The following PPARD variants were observed in gnomAD, a reference collection of about 807,000 sequenced individuals.
PPARD encodes peroxisome proliferator activated receptor delta.
PPARD carries 6 observed loss-of-function variants against 39.5 expected under a neutral mutation model. That is an observed-to-expected ratio of 0.15 (90% CI 0.08 to 0.30). The LOEUF is 0.30. Among genes scored for constraint, PPARD ranks in the 10% least tolerant of loss-of-function variants. PPARD has a pLI of 1.00. For missense variants in PPARD, 397 were observed against 596.8 expected (o/e 0.67, Z 3.49); for synonymous variants, 210 against 231.3 (o/e 0.91, Z 0.83).
intron 2 of PPARD, among the ~76,000 whole-genome samples, chr6:35,362,014 C>T (rs1269890377): frequency 6.6e-6 from 1 of 151,932 alleles, no homozygotes; most frequent in African/African-American, 2.4e-5. Context: ...AATGCTCATT[C>T]GTTATAGATG....
At chr6:35,419,006 G>A (rs889511429) in intron 3 of PPARD, among the ~76,000 whole-genome samples, 1 of 152,166 alleles carries the variant, frequency 6.6e-6, no homozygotes, top group Non-Finnish European at 1.5e-5. Context: ...TACTCCCATG[G>A]TGGGGAAATC....
chr6:35,383,581 T>C (rs1763288457), intron 2 of PPARD, among the ~76,000 whole-genome samples: 1 of 132,022 alleles, frequency 7.6e-6, no homozygotes. Flanking sequence ...ATCTAGGAGG[T>C]GAGGAGCGCC....
intron 1 of PPARD, among the ~76,000 whole-genome samples, chr6:35,345,952 C>G (rs1404650925): frequency 1.3e-5 from 2 of 149,582 alleles, no homozygotes; most frequent in Non-Finnish European, 3.0e-5. Flanking sequence ...TCTTGGCTCA[C>G]TGCAAGCTCC....
At chr6:35,362,037 A>G (rs1018913657) in intron 2 of PPARD, among the ~76,000 whole-genome samples, 1 of 152,244 alleles carries the variant, frequency 6.6e-6, no homozygotes, top group African/African-American at 2.4e-5. Context: ...TAGAAAATAC[A>G]GATAAGCACT....
At chr6:35,420,416 C>A in intron 4 of PPARD, 135 bp downstream of exon 4, 1 of 1,243,230 alleles carries the variant, frequency 8.0e-7, no homozygotes, top group Non-Finnish European at 1.1e-6. Context: ...AGGAGGCAGC[C>A]AGGCCCTTGT....
chr6:35,421,909 C>T lies in PPARD; in HGVS notation c.375C>T (p.Cys125=). The T allele has an allele frequency of 6.2e-7, 1 of 1,613,968 alleles. No homozygotes were observed. The highest frequency in any genetic ancestry group is 8.5e-7 in the Non-Finnish European group (1 of 1,179,888). Residue 125 remains cysteine, a synonymous_variant, in exon 5 of 8, where the codon TGC becomes TGT. Coordinates refer to ENST00000360694, the MANE Select transcript of PPARD (RefSeq NM_006238.5). ...TTCAGAAGAAGAACCGCAACAAGTGCCAGTACTGCCGCTTCCAGAAGTGCC... is the reference window on the plus strand; with the variant it reads ...TTCAGAAGAAGAACCGCAACAAGTGTCAGTACTGCCGCTTCCAGAAGTGCC... ...CKIQKKNRNK[C]QYCRFQKCLA...
chr6:35,344,056 C>G (rs1047783690), intron 1 of PPARD, among the ~76,000 whole-genome samples: 27 of 152,160 alleles, frequency 1.8e-4, no homozygotes, highest in African/African-American at 6.3e-4. Flanking sequence ...GCATCTGTCC[C>G]CTTTTATTAT....
At chr6:35,410,182 C>T (rs981235883) in intron 2 of PPARD, among the ~76,000 whole-genome samples, 1 of 152,220 alleles carries the variant, frequency 6.6e-6, no homozygotes, top group African/African-American at 2.4e-5. Flanking sequence ...CATCTTAAAG[C>T]AGATCTTTTC....
chr6:35,417,301 G>C (rs1323964411), intron 3 of PPARD, among the ~76,000 whole-genome samples: 1 of 151,874 alleles, frequency 6.6e-6, no homozygotes, highest in Non-Finnish European at 1.5e-5. Context: ...ACTGCACCTG[G>C]CCTTTTGTTT....
chr6:35,344,610 ACT>A (rs1792058652), intron 1 of PPARD, among the ~76,000 whole-genome samples: 1 of 151,886 alleles, frequency 6.6e-6, no homozygotes, highest in Non-Finnish European at 1.5e-5. Flanking sequence ...AGCGTGACCC[ACT>A]CTCATGTTTA....
chr6:35,418,458 C>T (rs1469796856), intron 3 of PPARD, among the ~76,000 whole-genome samples: 1 of 152,252 alleles, frequency 6.6e-6, no homozygotes, highest in Non-Finnish European at 1.5e-5. Flanking sequence ...GTGCCTGCTG[C>T]GTGCCCAGCA....
intron 2 of PPARD, among the ~76,000 whole-genome samples, chr6:35,390,149 T>C (rs1763927227): frequency 6.6e-6 from 1 of 152,224 alleles, no homozygotes; most frequent in Non-Finnish European, 1.5e-5. Flanking sequence ...GTGCCTTTTC[T>C]AGTTTTCTGG....
intron 2 of PPARD, among the ~76,000 whole-genome samples, chr6:35,403,432 G>A (rs1008282943): frequency 3.3e-5 from 5 of 152,138 alleles, no homozygotes; most frequent in Non-Finnish European, 5.9e-5. Context: ...GACTGAAGCC[G>A]GTGGAATTCA....
chr6:35,373,829 G>GT (rs1199201764), intron 2 of PPARD, among the ~76,000 whole-genome samples: 2 of 151,970 alleles, frequency 1.3e-5, no homozygotes, highest in Non-Finnish European at 2.9e-5. Context: ...CACCACACCT[G>GT]GCTAATTTTT....
intron 3 of PPARD, among the ~76,000 whole-genome samples, chr6:35,414,300 CAG>C (rs1449485482): frequency 6.6e-5 from 10 of 152,154 alleles, no homozygotes; most frequent in Admixed American, 1.3e-4. Context: ...CCGAAGGACT[CAG>C]GGGCTAACTC....
intron 2 of PPARD, among the ~76,000 whole-genome samples, chr6:35,394,748 G>A (rs7769719): frequency 0.14 from 20,783 of 149,874 alleles, 2,979 homozygotes; most frequent in African/African-American, 0.36. Flanking sequence ...TCCAACCTAC[G>A]TGACAGAGTG....
At position 35,424,491 on chromosome 6, in the gene PPARD, G is replaced by A. The variant is rs199590557; in HGVS notation, c.790G>A (p.Ala264Thr). 6 of 1,614,056 alleles carry A rather than the reference G, an allele frequency of 3.7e-6. No homozygotes were observed. The highest frequency in any genetic ancestry group is 1.3e-5 in the African/African-American group (1 of 74,912). Residue 264 changes from alanine (A) to threonine (T), a missense_variant, in exon 7 of 8, where the codon GCC becomes ACC. Ala to Thr is a moderately conservative substitution (Grantham distance 58). Transcript: ENST00000360694. The surrounding 1 kb of genome is among the most constrained non-coding windows in gnomAD (Gnocchi z 7.1). ...VETVRELTEFAKSIPSFSSLF... is the reference protein window; with the variant it reads ...VETVRELTEFTKSIPSFSSLF... Reference sequence around the variant, plus strand: ...GACCGTGCGGGAGCTCACTGAGTTCGCCAAGAGCATCCCCAGCTTCAGCAG... The same window carrying A: ...GACCGTGCGGGAGCTCACTGAGTTCACCAAGAGCATCCCCAGCTTCAGCAG...
chr6:35,381,466 G>A (rs776112564), intron 2 of PPARD, among the ~76,000 whole-genome samples: 6 of 152,184 alleles, frequency 3.9e-5, no homozygotes, highest in Non-Finnish European at 7.3e-5. Flanking sequence ...AATCTAGGGG[G>A]ACAGTCTAGG....
chr6:35,398,888 TGG>T (rs1764510829), intron 2 of PPARD, among the ~76,000 whole-genome samples: 1 of 146,432 alleles, frequency 6.8e-6, no homozygotes, highest in African/African-American at 2.6e-5. Flanking sequence ...CCAAGGTGGG[TGG>T]ATCACTTGAG....
Sources: allele counts gnomAD v4.1 joint callset (sites outside exome capture counted in the v4.1 genomes callset), GRCh38; gene constraint gnomAD v4.1.1; non-coding constraint Gnocchi (gnomAD v3.1); transcripts MANE v1.5; gene names NCBI Gene and HGNC (gene_info 2026-07-23, HGNC 2026-07-21).